LDB2: variants seen among roughly 807,000 people sequenced by gnomAD.
The protein encoded by LDB2 is LIM domain binding 2, also known as LIM domain-binding protein 2.
In LDB2, 12 loss-of-function variants were observed where a neutral mutation model predicts 44.3. The observed-to-expected ratio is 0.27, with a 90% CI of 0.17 to 0.44. The LOEUF is 0.44. Ranked by LOEUF, LDB2 falls within the 20% of genes least tolerant of loss-of-function variation. The pLI is 1.00. For missense variants in LDB2, 344 were observed against 473.5 expected, an observed-to-expected ratio of 0.73 and a Z score of 2.54; for synonymous variants, 164 against 174.8, an observed-to-expected ratio of 0.94 and a Z score of 0.49.
intron 1 of LDB2, among the ~76,000 whole-genome samples, chr4:16,784,407 AG>A: frequency 6.6e-6 from 1 of 152,338 alleles, no homozygotes; most frequent in Non-Finnish European, 1.5e-5. Flanking sequence ...AAATTAAATA[AG>A]AATGTGCACA....
intron 2 of LDB2, among the ~76,000 whole-genome samples, chr4:16,718,261 C>G (rs969403331): frequency 1.9e-4 from 29 of 151,718 alleles, no homozygotes; most frequent in African/African-American, 6.8e-4. Context: ...GAATTGCCAG[C>G]CTAAAAGGGA....
intron 2 of LDB2, among the ~76,000 whole-genome samples, chr4:16,620,337 C>A (rs921594389): frequency 3.9e-5 from 6 of 152,116 alleles, no homozygotes; most frequent in Admixed American, 3.9e-4. Context: ...GCAAGAAAAA[C>A]CAGACATAAG....
At chr4:16,778,040 C>A (rs1410321129) in intron 1 of LDB2, among the ~76,000 whole-genome samples, 2 of 152,194 alleles carry the variant, frequency 1.3e-5, no homozygotes, top group African/African-American at 4.8e-5. Context: ...TGCGTTTCTA[C>A]TTCTATGACA....
intron 1 of LDB2, among the ~76,000 whole-genome samples, chr4:16,875,976 T>C (rs1296400088): frequency 1.3e-5 from 2 of 152,172 alleles, no homozygotes; most frequent in Non-Finnish European, 2.9e-5. Flanking sequence ...GAATGCATTA[T>C]AGGAAGAAAC....
intron 5 of LDB2, among the ~76,000 whole-genome samples, chr4:16,571,674 A>T (rs963915400): frequency 1.3e-5 from 2 of 152,100 alleles, no homozygotes; most frequent in Non-Finnish European, 2.9e-5. Context: ...TAGGCCATTA[A>T]CACCTCCCTC....
At chr4:16,623,613 A>ATAAG (rs1227432868) in intron 2 of LDB2, among the ~76,000 whole-genome samples, 1 of 143,734 alleles carries the variant, frequency 7.0e-6, no homozygotes, top group Non-Finnish European at 1.5e-5. Flanking sequence ...AAATAAATAA[A>ATAAG]TAAATAAAAA....
chr4:16,897,944 A>G lies in LDB2; in HGVS notation c.132+410T>C, dbSNP rs1414786525. Among the ~76,000 whole-genome samples the G allele has an allele frequency of 2.9e-4, 5 of 17,118 alleles. 1 individual carries two copies. Among genetic ancestry groups the G allele is most frequent in the Admixed American group, 1.7e-3 (2 of 1,162 alleles). The allele number at this position is 17,118 out of a possible 152,430, so 11.2% of individuals were successfully genotyped here. A position where few individuals can be genotyped will look rare whatever the true frequency, so the allele number is the denominator to read the frequency against. ...TATATATATATATATATATACACAT[A>G]TGTATATATATATATATATATATAT... On this transcript the variant is annotated intron_variant, in intron 1 of 7. Transcript: ENST00000304523.
intron 5 of LDB2, among the ~76,000 whole-genome samples, chr4:16,544,901 G>A (rs972592550): frequency 1.3e-5 from 2 of 152,120 alleles, no homozygotes; most frequent in African/African-American, 2.4e-5. Context: ...AAATGCATAG[G>A]ACTCAATGAG....
chr4:16,588,718 C>G lies in LDB2; in HGVS notation c.523G>C (p.Ala175Pro). Residue 175 changes from alanine (A) to proline (P), a missense_variant, in exon 4 of 8, where the codon GCC becomes CCC. This residue lies in a region of LDB2 where 226 missense variants were observed against 270.1 expected (regional missense o/e 0.84). Coordinates refer to ENST00000304523, the MANE Select transcript of LDB2 (RefSeq NM_001290.5). ...YRELVPRSIL[A>P]MHAQDPQVLD... ...GAAATTAAATTACTTACATGCATGG[C>G]TAGGATGCTTCTCGGGACTAACTCT... 1 of 1,613,302 alleles carries G rather than the reference C, an allele frequency of 6.2e-7. No homozygotes were observed. Among genetic ancestry groups the G allele is most frequent in the East Asian group, 2.2e-5 (1 of 44,834 alleles).
chr4:16,827,591 T>C (rs1454547162), intron 1 of LDB2, among the ~76,000 whole-genome samples: 1 of 152,190 alleles, frequency 6.6e-6, no homozygotes, highest in Non-Finnish European at 1.5e-5. Flanking sequence ...AGGCCTTATT[T>C]TGGAAAAACA....
At chr4:16,791,388 C>G (rs1775686961) in intron 1 of LDB2, among the ~76,000 whole-genome samples, 1 of 151,804 alleles carries the variant, frequency 6.6e-6, no homozygotes, top group Admixed American at 6.6e-5. Context: ...AACCCCGACT[C>G]TACTAAAAAT....
At chr4:16,841,832 C>T (rs1170952982) in intron 1 of LDB2, among the ~76,000 whole-genome samples, 1 of 152,130 alleles carries the variant, frequency 6.6e-6, no homozygotes, top group East Asian at 1.9e-4. Flanking sequence ...TTCAAGTAGG[C>T]CCCTACAAAT....
intron 2 of LDB2, among the ~76,000 whole-genome samples, chr4:16,633,157 A>T (rs1436653746): frequency 6.6e-6 from 1 of 152,178 alleles, no homozygotes; most frequent in Non-Finnish European, 1.5e-5. Flanking sequence ...TGAAGCTGGA[A>T]ACCATCATTC....
intron 2 of LDB2, among the ~76,000 whole-genome samples, chr4:16,643,377 TG>T (rs1735750956): frequency 6.6e-6 from 1 of 152,218 alleles, no homozygotes; most frequent in Non-Finnish European, 1.5e-5. Flanking sequence ...ATCAAAGGAT[TG>T]ATAATAGTTC....
At chr4:16,615,443 A>G (rs1036622746) in intron 2 of LDB2, among the ~76,000 whole-genome samples, 2 of 152,216 alleles carry the variant, frequency 1.3e-5, no homozygotes, top group Non-Finnish European at 2.9e-5. Context: ...GAATGAGATC[A>G]TGTCCTTTGC....
intron 2 of LDB2, among the ~76,000 whole-genome samples, chr4:16,653,159 G>A (rs1031411198): frequency 5.9e-5 from 9 of 152,086 alleles, no homozygotes; most frequent in South Asian, 2.1e-4. Flanking sequence ...TAGAGCCACC[G>A]GGTCTTCCAG....
intron 1 of LDB2, among the ~76,000 whole-genome samples, chr4:16,835,377 C>G (rs1297027703): frequency 6.6e-6 from 1 of 152,160 alleles, no homozygotes; most frequent in African/African-American, 2.4e-5. Flanking sequence ...GTAAATGGAA[C>G]CATCACTATT....
At chr4:16,612,510 T>TA (rs1462852587) in intron 2 of LDB2, among the ~76,000 whole-genome samples, 2 of 151,500 alleles carry the variant, frequency 1.3e-5, no homozygotes, top group Non-Finnish European at 2.9e-5. Context: ...ATAGACACGG[T>TA]AAAAAAAGAT....
intron 2 of LDB2, among the ~76,000 whole-genome samples, chr4:16,670,445 C>G (rs942799354): frequency 2.0e-5 from 3 of 152,184 alleles, no homozygotes; most frequent in Admixed American, 2.0e-4. Flanking sequence ...TTGCTGGGCA[C>G]TAGGCAACAC....
Sources: allele counts gnomAD v4.1 joint callset (sites outside exome capture counted in the v4.1 genomes callset), GRCh38; gene constraint gnomAD v4.1.1; regional missense constraint gnomAD v4.1.1; transcripts MANE v1.5; gene names NCBI Gene and HGNC (gene_info 2026-07-23, HGNC 2026-07-21).